Variants in ATG7 observed in about 807,000 individuals in gnomAD.
The protein encoded by ATG7 is autophagy related 7.
In ATG7, 70 loss-of-function variants were observed where a neutral mutation model predicts 82.4. The observed-to-expected ratio is 0.85, with a 90% confidence interval of 0.70 to 1.04. ATG7 has a LOEUF of 1.04. ATG7 is among the 50% of genes least tolerant of loss of function. The pLI is 0.00. For missense variants in ATG7, 792 were observed against 864.3 expected, an observed-to-expected ratio of 0.92 and a Z score of 1.05; for synonymous variants, 287 against 313.0, an observed-to-expected ratio of 0.92 and a Z score of 0.88.
chr3:11,359,060 TAAGG>T (rs1218814149), intron 15 of ATG7, among the ~76,000 whole-genome samples: 1 of 152,160 alleles, frequency 6.6e-6, no homozygotes, highest in African/African-American at 2.4e-5. Flanking sequence ...TTATATTAAA[TAAGG>T]AAGATACAAT....
At chr3:11,453,555 G>C (rs1350078365) in intron 20 of ATG7, among the ~76,000 whole-genome samples, 2 of 152,120 alleles carry the variant, frequency 1.3e-5, no homozygotes, top group African/African-American at 4.8e-5. Flanking sequence ...CAGCTGTTTT[G>C]GCTAATTTTT....
chr3:11,509,664 A>C (rs184869364), intron 20 of ATG7, among the ~76,000 whole-genome samples: 408 of 151,936 alleles, frequency 2.7e-3, no homozygotes, highest in Non-Finnish European at 4.9e-3. Flanking sequence ...CCCCCAATCT[A>C]TCTCTAATTT....
At chr3:11,574,218 C>A in the ATG7 span, among the ~76,000 whole-genome samples, 12 of 152,210 alleles carry the variant, frequency 7.9e-5, no homozygotes, top group Admixed American at 2.6e-4. Context: ...CGTACCCACC[C>A]GCTGCCTTGC....
chr3:11,350,317 G>C (rs1244598374), intron 14 of ATG7, among the ~76,000 whole-genome samples: 7 of 152,170 alleles, frequency 4.6e-5, no homozygotes, highest in Non-Finnish European at 1.0e-4. Context: ...AGGCATATTA[G>C]TTAGATTTCT....
At chr3:11,459,652 T>A (rs1487843787) in intron 20 of ATG7, among the ~76,000 whole-genome samples, 1 of 152,186 alleles carries the variant, frequency 6.6e-6, no homozygotes, top group Non-Finnish European at 1.5e-5. Flanking sequence ...GCCAGAGTAA[T>A]GGGCTTTGTG....
chr3:11,567,502 T>C, the ATG7 span, among the ~76,000 whole-genome samples: 3 of 152,190 alleles, frequency 2.0e-5, no homozygotes, highest in African/African-American at 7.2e-5. Context: ...GTCTAGATAG[T>C]AGGTTCCATC....
chr3:11,422,268 A>G (rs1040991785), intron 19 of ATG7, among the ~76,000 whole-genome samples: 1 of 152,220 alleles, frequency 6.6e-6, no homozygotes, highest in Non-Finnish European at 1.5e-5. Flanking sequence ...GGTTTCATCT[A>G]TGTTAAAAAT....
intron 20 of ATG7, among the ~76,000 whole-genome samples, chr3:11,531,031 C>A (rs1000129909): frequency 2.0e-5 from 3 of 152,154 alleles, no homozygotes; most frequent in Non-Finnish European, 2.9e-5. Context: ...CACCGTGGTC[C>A]TGGCTAAGTG....
At chr3:11,323,858 T>G (rs575488111) in intron 9 of ATG7, among the ~76,000 whole-genome samples, 2 of 152,250 alleles carry the variant, frequency 1.3e-5, no homozygotes, top group African/African-American at 2.4e-5. Context: ...ACGTGTAATC[T>G]CCTTTGTGCA....
At chr3:11,284,294 C>A (rs1318093992) in intron 3 of ATG7, among the ~76,000 whole-genome samples, 1 of 152,184 alleles carries the variant, frequency 6.6e-6, no homozygotes, top group Non-Finnish European at 1.5e-5. Context: ...GGCGGTCTCA[C>A]TCCAGGAAGC....
intron 20 of ATG7, among the ~76,000 whole-genome samples, chr3:11,458,420 C>G (rs909985335): frequency 6.6e-6 from 1 of 152,096 alleles, no homozygotes. Flanking sequence ...CCCACCACCA[C>G]GCCCGGCTAA....
chr3:11,374,836 G>A (rs1360508688), intron 18 of ATG7, among the ~76,000 whole-genome samples: 1 of 147,280 alleles, frequency 6.8e-6, no homozygotes, highest in East Asian at 2.0e-4. Flanking sequence ...CCCAGGAGGC[G>A]GAGCTTGCAG....
chr3:11,420,214 AAG>A (rs1158815480), intron 19 of ATG7, among the ~76,000 whole-genome samples: 2 of 152,238 alleles, frequency 1.3e-5, no homozygotes, highest in African/African-American at 2.4e-5. Context: ...AGCACATAAA[AAG>A]AATACTGGAG....
At chr3:11,486,009 T>C (rs958509663) in intron 20 of ATG7, among the ~76,000 whole-genome samples, 2 of 152,346 alleles carry the variant, frequency 1.3e-5, no homozygotes, top group East Asian at 1.9e-4. Flanking sequence ...GGCTTAGGAT[T>C]GACTTGGTGA....
chr3:11,433,999 C>G (rs900908428), intron 20 of ATG7, among the ~76,000 whole-genome samples: 4 of 152,140 alleles, frequency 2.6e-5, no homozygotes, highest in African/African-American at 7.2e-5. Context: ...CTAGAAAATG[C>G]CCATTTCTCT....
At chr3:11,386,157 C>G (rs1392916834) in intron 19 of ATG7, among the ~76,000 whole-genome samples, 4 of 152,200 alleles carry the variant, frequency 2.6e-5, no homozygotes, top group Non-Finnish European at 5.9e-5. Context: ...GGTGCTCCCC[C>G]ACTCTGCCCG....
the ATG7 span, among the ~76,000 whole-genome samples, chr3:11,575,498 G>A: frequency 6.6e-6 from 1 of 152,222 alleles, no homozygotes; most frequent in African/African-American, 2.4e-5. Context: ...CGAGGGCAAA[G>A]TGGGTCCCTC....
In ATG7 at chr3:11,372,000, A is replaced by G. The variant is rs759602793; in HGVS notation, c.1875+7266A>G. 6.6e-4 allele frequency among the ~76,000 whole-genome samples: 100 copies of G among 151,392 alleles called. 5 individuals carry two copies. The highest frequency in any genetic ancestry group is 6.0e-4 in the Non-Finnish European group (41 of 67,870). On this transcript the variant is annotated intron_variant, in intron 18 of 20. Transcript: ENST00000693202. Reference sequence around the variant, plus strand: ...CCAAACAACCATATAAAGCGAGGCCAAACGACCTATTCTGATGCTTTTTGC... The same window carrying G: ...CCAAACAACCATATAAAGCGAGGCCGAACGACCTATTCTGATGCTTTTTGC...
At chr3:11,440,486 G>A (rs1382843345) in intron 20 of ATG7, among the ~76,000 whole-genome samples, 12 of 148,364 alleles carry the variant, frequency 8.1e-5, no homozygotes, top group Non-Finnish European at 1.2e-4. Flanking sequence ...CACTACGCCC[G>A]GCTAATTTTT....
Sources: gnomAD v4.1 joint callset for allele counts (sites outside exome capture counted in the v4.1 genomes callset) on GRCh38, gnomAD v4.1.1 for gene constraint, MANE v1.5 for transcripts, NCBI Gene and HGNC (gene_info 2026-07-23, HGNC 2026-07-21) for gene names.